MED27: variants seen among roughly 807,000 people sequenced by gnomAD.
MED27 encodes the protein mediator of RNA polymerase II transcription subunit 27.
MED27 carries 30 observed loss-of-function variants against 38.2 expected under a neutral mutation model. The ratio of observed to expected loss-of-function variants is 0.79; its 90% confidence interval spans 0.59 to 1.07. The LOEUF is 1.07. MED27 is among the 50% of genes least tolerant of loss of function. The pLI, the probability that MED27 is intolerant of heterozygous loss-of-function variation, is 0.00. For missense variants in MED27, 289 were observed against 397.5 expected (o/e 0.73, Z 2.32); for synonymous variants, 122 against 153.5 (o/e 0.79, Z 1.52).
At chr9:131,906,991 G>A (rs150489607) in intron 4 of MED27, among the ~76,000 whole-genome samples, 1 of 152,128 alleles carries the variant, frequency 6.6e-6, no homozygotes, top group African/African-American at 2.4e-5. Flanking sequence ...TCATGGTGCT[G>A]GTGGGAGTGT....
chr9:131,998,660 C>T (rs1203923115), intron 3 of MED27, among the ~76,000 whole-genome samples: 1 of 152,074 alleles, frequency 6.6e-6, no homozygotes, highest in Non-Finnish European at 1.5e-5. Context: ...ATTCTAAGTG[C>T]TCCTTTGTTT....
At chr9:131,976,296 T>G (rs1295046127) in intron 3 of MED27, among the ~76,000 whole-genome samples, 1 of 152,226 alleles carries the variant, frequency 6.6e-6, no homozygotes, top group Non-Finnish European at 1.5e-5. Flanking sequence ...GACTCTGGTC[T>G]CTTACTCAAT....
At chr9:131,978,349 C>T (rs1831654809) in intron 3 of MED27, among the ~76,000 whole-genome samples, 1 of 152,078 alleles carries the variant, frequency 6.6e-6, no homozygotes, top group Non-Finnish European at 1.5e-5. Context: ...TATTTGGATC[C>T]CAATTCAAAC....
At chr9:131,958,649 G>A (rs1831152957) in intron 3 of MED27, among the ~76,000 whole-genome samples, 1 of 152,192 alleles carries the variant, frequency 6.6e-6, no homozygotes, top group African/African-American at 2.4e-5. Flanking sequence ...TGCAGGCTGT[G>A]TCAGTGCTAG....
chr9:131,920,601 A>G lies in MED27; in HGVS notation c.573+18780T>C, dbSNP rs182036253. Among the ~76,000 whole-genome samples, 750 of 152,372 alleles carry G rather than the reference A, an allele frequency of 4.9e-3. 4 individuals carry two copies. Among genetic ancestry groups the G allele is most frequent in the Non-Finnish European group, 8.2e-3 (558 of 68,030 alleles). ...TAACAATAAGGAAATCATATCCTAC[A>G]TTAGAAAGTGATAAGTACAACGAAA... On this transcript the variant is annotated intron_variant, in intron 4 of 7. Transcript: ENST00000292035.
At chr9:131,999,128 C>T (rs1190182905) in intron 3 of MED27, among the ~76,000 whole-genome samples, 1 of 152,124 alleles carries the variant, frequency 6.6e-6, no homozygotes, top group Non-Finnish European at 1.5e-5. Context: ...AAATCGAACT[C>T]CCTGTGTGGG....
chr9:131,865,268 A>C (rs1206741999), intron 6 of MED27, among the ~76,000 whole-genome samples: 2 of 152,224 alleles, frequency 1.3e-5, no homozygotes, highest in Non-Finnish European at 2.9e-5. Flanking sequence ...CAGCTTTCTA[A>C]AATGAGCAAT....
chr9:132,014,518 G>A (rs758819488), intron 2 of MED27, 51 bp from the exon 3 acceptor site: 2 of 1,584,182 alleles, frequency 1.3e-6, no homozygotes, highest in South Asian at 2.3e-5. Flanking sequence ...TTTGGTAAAA[G>A]TAGGACAAAT....
intron 3 of MED27, among the ~76,000 whole-genome samples, chr9:132,010,550 A>G (rs1056630096): frequency 2.0e-5 from 3 of 152,252 alleles, no homozygotes; most frequent in Admixed American, 6.5e-5. Flanking sequence ...CCAAAGGATT[A>G]TAAGTCATGC....
intron 3 of MED27, among the ~76,000 whole-genome samples, chr9:131,998,113 C>T (rs1283811668): frequency 6.6e-6 from 1 of 152,024 alleles, no homozygotes; most frequent in Non-Finnish European, 1.5e-5. Context: ...ACCATCCCCT[C>T]CATTTGCAAA....
At chr9:131,903,082 G>T (rs902190680) in intron 4 of MED27, among the ~76,000 whole-genome samples, 30 of 103,516 alleles carry the variant, frequency 2.9e-4, no homozygotes, top group Non-Finnish European at 4.6e-4. Context: ...TGGTGGCCAC[G>T]GGTGTATTAG....
chr9:131,951,701 G>A (rs1195817296), intron 3 of MED27, among the ~76,000 whole-genome samples: 1 of 152,172 alleles, frequency 6.6e-6, no homozygotes, highest in African/African-American at 2.4e-5. Flanking sequence ...CACAAAATAG[G>A]CAAATAATGG....
chr9:131,924,945 G>A (rs888525769), intron 4 of MED27, among the ~76,000 whole-genome samples: 3 of 152,110 alleles, frequency 2.0e-5, no homozygotes, highest in Non-Finnish European at 4.4e-5. Flanking sequence ...TATTTTCAGT[G>A]TTTCTTTCTC....
intron 2 of MED27, among the ~76,000 whole-genome samples, chr9:132,073,024 A>G (rs1322960279): frequency 6.6e-6 from 1 of 152,124 alleles, no homozygotes; most frequent in African/African-American, 2.4e-5. Flanking sequence ...CAGGTGCAGC[A>G]GCTCAAATTA....
rs60563165 is a variant in MED27 at position 131,970,641 on chromosome 9, G to A, written c.480-31167C>T. 2.1e-3 allele frequency among the ~76,000 whole-genome samples: 320 copies of A among 152,346 alleles called. 1 individual carries two copies. The highest frequency in any genetic ancestry group is 7.3e-3 in the African/African-American group (305 of 41,578). On this transcript the variant is annotated intron_variant, in intron 3 of 7. Transcript: ENST00000292035. ...AAAACAGCACAAATCAGGAATAGAC[G>A]TTCTCAGAAGCGAGATGGCTGGACA...
intron 3 of MED27, among the ~76,000 whole-genome samples, chr9:131,981,431 T>C (rs921496610): frequency 1.3e-5 from 2 of 152,144 alleles, no homozygotes; most frequent in Non-Finnish European, 2.9e-5. Flanking sequence ...GTCAAACACA[T>C]AAGAAAATGC....
chr9:132,002,501 A>G (rs1181274175), intron 3 of MED27, among the ~76,000 whole-genome samples: 1 of 152,164 alleles, frequency 6.6e-6, no homozygotes, highest in Non-Finnish European at 1.5e-5. Context: ...AATCTTCAAC[A>G]CAGGTGAAAG....
At chr9:132,069,034 G>T (rs28451723) in intron 2 of MED27, among the ~76,000 whole-genome samples, 3,739 of 152,320 alleles carry the variant, frequency 0.025, 146 homozygotes, top group African/African-American at 0.084. Context: ...TTTGCATAAG[G>T]ACAAATGACA....
chr9:131,910,092 G>A (rs1830159449), intron 4 of MED27, among the ~76,000 whole-genome samples: 1 of 152,150 alleles, frequency 6.6e-6, no homozygotes, highest in Admixed American at 6.5e-5. Context: ...CACGATATAA[G>A]GGGAAACCGA....
Sources: gnomAD v4.1 joint callset for allele counts (sites outside exome capture counted in the v4.1 genomes callset) on GRCh38, gnomAD v4.1.1 for gene constraint, MANE v1.5 for transcripts, NCBI Gene and HGNC (gene_info 2026-07-23, HGNC 2026-07-21) for gene names.